MDGA2: variants seen among roughly 807,000 people sequenced by gnomAD.
The protein encoded by MDGA2 is MAM domain-containing glycosylphosphatidylinositol anchor protein 2.
Under a neutral mutation model 117.8 loss-of-function variants are expected in MDGA2, and 40 were observed. The ratio of observed to expected loss-of-function variants is 0.34; its 90% CI spans 0.26 to 0.44. MDGA2 has a LOEUF of 0.44. Ranked by LOEUF, MDGA2 falls within the 20% of genes least tolerant of loss-of-function variation. MDGA2 has a pLI of 1.00. For missense variants in MDGA2, 1,123 were observed against 1,250.6 expected (o/e 0.90, Z 1.54); for synonymous variants, 452 against 439.0 (o/e 1.03, Z -0.37).
At chr14:47,353,304 C>T (rs192409452) in intron 1 of MDGA2, among the ~76,000 whole-genome samples, 58 of 152,272 alleles carry the variant, frequency 3.8e-4, no homozygotes, top group African/African-American at 1.3e-3. Flanking sequence ...AAAGTCCCTA[C>T]TGAAGATAGC....
intron 3 of MDGA2, among the ~76,000 whole-genome samples, chr14:47,203,535 G>A (rs898183979): frequency 1.3e-5 from 2 of 152,066 alleles, no homozygotes; most frequent in African/African-American, 4.8e-5. Flanking sequence ...ACAATTTTCA[G>A]TTAAGTCTTC....
intron 1 of MDGA2, among the ~76,000 whole-genome samples, chr14:47,493,078 T>C (rs1214138355): frequency 6.6e-6 from 1 of 151,858 alleles, no homozygotes; most frequent in Non-Finnish European, 1.5e-5. Context: ...ATACAGTGCA[T>C]AGGTATCATG....
In MDGA2 at chr14:47,239,794, C is replaced by T. The variant is rs181997642; in HGVS notation, c.421-21599G>A. On this transcript the variant is annotated intron_variant, in intron 2 of 16. Coordinates refer to ENST00000399232, the MANE Select transcript of MDGA2 (RefSeq NM_001113498.3). ...ATTTGATTGAATAAAAGTTATTTTC[C>T]TCCACATACACAAATGTTATTGCAT... Among the ~76,000 whole-genome samples the T allele has an allele frequency of 6.1e-4, 93 of 151,874 alleles. 1 individual carries two copies. The highest frequency in any genetic ancestry group is 1.2e-3 in the Non-Finnish European group (82 of 67,802).
intron 10 of MDGA2, among the ~76,000 whole-genome samples, chr14:46,919,598 C>G (rs776220473): frequency 6.6e-6 from 1 of 152,126 alleles, no homozygotes; most frequent in Non-Finnish European, 1.5e-5. Context: ...TGTCTTGAAC[C>G]CCTAAAGCAA....
chr14:47,357,507 C>T (rs891587780), intron 1 of MDGA2, among the ~76,000 whole-genome samples: 1 of 152,132 alleles, frequency 6.6e-6, no homozygotes, highest in Non-Finnish European at 1.5e-5. Flanking sequence ...TTCTGTTGCA[C>T]CTGGGTAAGC....
chr14:47,201,147 C>T, intron 3 of MDGA2: 1 of 707,212 alleles, frequency 1.4e-6, no homozygotes, highest in South Asian at 1.4e-5. Context: ...ATTTTTATTG[C>T]ATTAGCTGCT....
chr14:47,641,312 G>C (rs956625090), intron 1 of MDGA2, among the ~76,000 whole-genome samples: 9 of 148,362 alleles, frequency 6.1e-5, no homozygotes, highest in Admixed American at 1.3e-4. Context: ...TCTGATTCCA[G>C]AGCATGATGA....
chr14:46,975,586 A>G (rs1886424795), intron 8 of MDGA2, among the ~76,000 whole-genome samples: 1 of 152,158 alleles, frequency 6.6e-6, no homozygotes, highest in Non-Finnish European at 1.5e-5. Flanking sequence ...GACATAAACT[A>G]GTAACAAAAA....
At chr14:47,339,762 GA>G (rs1367849370) in intron 1 of MDGA2, among the ~76,000 whole-genome samples, 3 of 152,178 alleles carry the variant, frequency 2.0e-5, no homozygotes, top group Admixed American at 2.0e-4. Context: ...TTTACTTTCT[GA>G]ATTACAGAGC....
intron 15 of MDGA2, among the ~76,000 whole-genome samples, chr14:46,853,345 C>G (rs200601179): frequency 3.3e-5 from 5 of 151,680 alleles, no homozygotes; most frequent in Non-Finnish European, 5.9e-5. Context: ...TGATTGAAAT[C>G]TTCGAAGGAG....
chr14:47,257,421 C>G (rs1296575975), intron 2 of MDGA2, among the ~76,000 whole-genome samples: 1 of 152,026 alleles, frequency 6.6e-6, no homozygotes, highest in Non-Finnish European at 1.5e-5. Context: ...AAAGATTTTC[C>G]TAAACATTTA....
At position 47,437,958 on chromosome 14, in the gene MDGA2, T is replaced by A. The variant is rs1892930719; in HGVS notation, c.281-136408A>T. Among the ~76,000 whole-genome samples the A allele has an allele frequency of 2.0e-5, 3 of 152,158 alleles. No homozygotes were observed. In the South Asian group the frequency reaches 6.2e-4, roughly 32 times the overall value. ...GTCTTATGTGTGGTATCTTTCCTCA[T>A]GAAGCACAGTACCAGTCTTTCTAGT... On this transcript the variant is annotated intron_variant, in intron 1 of 16. Coordinates refer to ENST00000399232, the MANE Select transcript of MDGA2 (RefSeq NM_001113498.3).
chr14:47,206,420 G>C (rs532570863), intron 3 of MDGA2, among the ~76,000 whole-genome samples: 3 of 151,448 alleles, frequency 2.0e-5, no homozygotes, highest in African/African-American at 7.3e-5. Flanking sequence ...GTGAGACCTC[G>C]TCTGTACAGA....
intron 7 of MDGA2, among the ~76,000 whole-genome samples, chr14:47,043,713 G>T (rs1889158491): frequency 6.6e-6 from 1 of 152,016 alleles, no homozygotes. Flanking sequence ...ATAAGCCACA[G>T]TGTTTCTGTG....
At chr14:47,300,702 T>C (rs1889249146) in intron 2 of MDGA2, among the ~76,000 whole-genome samples, 2 of 151,944 alleles carry the variant, frequency 1.3e-5, no homozygotes, top group South Asian at 4.2e-4. Flanking sequence ...TCTCCTTTTG[T>C]TGCCCAGGCT....
Position 47,232,747 on chromosome 14 carries a change from G to A in MDGA2, c.421-14552C>T, listed in dbSNP as rs539216967. Among the ~76,000 whole-genome samples, 7 of 152,196 alleles carry A rather than the reference G, an allele frequency of 4.6e-5. No homozygotes were observed. In the South Asian group the frequency reaches 1.5e-3, roughly 32 times the overall value. ...TAAATCAACACCATAGACTCTAACT[G>A]CCCAGTGAAATTTATTTGTTGACAG... On this transcript the variant is annotated intron_variant, in intron 2 of 16. Coordinates refer to ENST00000399232, the MANE Select transcript of MDGA2 (RefSeq NM_001113498.3).
chr14:47,492,523 A>G (rs1454779925), intron 1 of MDGA2, among the ~76,000 whole-genome samples: 3 of 152,128 alleles, frequency 2.0e-5, no homozygotes, highest in African/African-American at 7.2e-5. Context: ...ATTATGATTC[A>G]GGACAGAAAA....
At chr14:46,930,941 G>T (rs2138547150) in intron 9 of MDGA2, among the ~76,000 whole-genome samples, 1 of 152,164 alleles carries the variant, frequency 6.6e-6, no homozygotes, top group Admixed American at 6.5e-5. Flanking sequence ...TCTGGGCCAG[G>T]CGCAGTGGCT....
Position 47,018,733 on chromosome 14 carries a change from G to GAAAAAAAAAAA in MDGA2, c.1819+16267_1819+16277dup, listed in dbSNP as rs60442845. Among the ~76,000 whole-genome samples, 17 of 38,654 alleles carry GAAAAAAAAAAA rather than the reference G, an allele frequency of 4.4e-4. 2 individuals are homozygous for GAAAAAAAAAAA. Among genetic ancestry groups the GAAAAAAAAAAA allele is most frequent in the East Asian group, 7.6e-4 (2 of 2,634 alleles). 25.4% of individuals were successfully genotyped at this position (38,654 alleles called of 152,430 possible). On this transcript the variant is annotated intron_variant, in intron 8 of 16. Transcript: ENST00000399232. ...ACTGTAAGGCTCAAGCCATTTTACT[G>GAAAAAAAAAAA]AAAAAAAAAAAAAAAAAAAAAAAAA...
Sources: gnomAD v4.1 joint callset for allele counts (sites outside exome capture counted in the v4.1 genomes callset) on GRCh38, gnomAD v4.1.1 for gene constraint, MANE v1.5 for transcripts, NCBI Gene and HGNC (gene_info 2026-07-23, HGNC 2026-07-21) for gene names.